ABCB5: variants seen among roughly 807,000 people sequenced by gnomAD.
ABCB5 encodes the protein ATP binding cassette subfamily B member 5, also known as ATP-binding cassette sub-family B member 5.
Under a neutral mutation model 144.2 loss-of-function variants are expected in ABCB5, and 155 were observed. The observed-to-expected ratio is 1.08, with a 90% CI of 0.94 to 1.23. The LOEUF (loss-of-function observed/expected upper bound fraction) is 1.23. ABCB5 is among the 50% of genes most tolerant of loss of function. The probability of loss-of-function intolerance (pLI) is 0.00; values close to 1 mark genes in which losing one functional copy is unlikely to be tolerated. For missense variants in ABCB5, 1,830 were observed against 1,520.8 expected (o/e 1.20, Z -3.38); for synonymous variants, 610 against 528.6 (o/e 1.15, Z -2.11).
At chr7:20,755,107 A>C (rs528527403) in intron 27 of ABCB5, among the ~76,000 whole-genome samples, 1 of 152,060 alleles carries the variant, frequency 6.6e-6, no homozygotes, top group South Asian at 2.1e-4. Context: ...CTGCCACCAC[A>C]CCCAGCTAAT....
chr7:20,745,277 C>T lies in ABCB5; in HGVS notation c.3268C>T (p.Arg1090Cys), dbSNP rs560219236. Residue 1090 changes from arginine (R) to cysteine (C), a missense_variant, in exon 26 of 28, where the codon CGT becomes TGT. Coordinates refer to ENST00000404938, the MANE Select transcript of ABCB5 (RefSeq NM_001163941.2). ...AAAAGAATTGAATGTACAGTGGCTC[C>T]GTTCCCAAATAGCAATCGTTCCTCA... Reference protein sequence around the residue: ...DAKELNVQWLRSQIAIVPQEP... With the variant: ...DAKELNVQWLCSQIAIVPQEP... The T allele has an allele frequency of 4.6e-5, 75 of 1,613,958 alleles. 1 individual carries two copies. The Admixed American group carries it at 8.0e-4, about 17-fold the overall frequency.
intron 15 of ABCB5, among the ~76,000 whole-genome samples, chr7:20,683,085 T>TTAATAAAAATATA (rs199815570): frequency 0.032 from 4,799 of 152,240 alleles, 274 homozygotes; most frequent in African/African-American, 0.11. Context: ...ATCTTTGATG[T>TTAATAAAAATATA]CAATATTATT....
chr7:20,658,817 A>T, intron 14 of ABCB5, 141 bp downstream of exon 14: 1 of 1,103,804 alleles, frequency 9.1e-7, no homozygotes. Flanking sequence ...TCCACTGAGA[A>T]CTTACGTGAT....
intron 18 of ABCB5, 44 bp downstream of exon 18, chr7:20,699,973 G>A (rs1786560372): frequency 1.3e-6 from 2 of 1,597,748 alleles, no homozygotes; most frequent in Admixed American, 1.7e-5. Context: ...ACTTTTTGTT[G>A]CCATTCTTTC....
intron 11 of ABCB5, among the ~76,000 whole-genome samples, chr7:20,649,541 G>A (rs550500199): frequency 2.6e-5 from 4 of 152,126 alleles, no homozygotes; most frequent in African/African-American, 7.2e-5. Flanking sequence ...AGCCCACCAA[G>A]GTTTCTAATG....
At chr7:20,710,031 C>T (rs111486917) in intron 20 of ABCB5, among the ~76,000 whole-genome samples, 1 of 146,026 alleles carries the variant, frequency 6.8e-6, no homozygotes, top group African/African-American at 2.6e-5. Flanking sequence ...TGCCACTGCA[C>T]TCCATCCTGG....
chr7:20,755,724 A>C lies in ABCB5; in HGVS notation c.*100A>C, dbSNP rs1270960933. 5 of 1,048,084 alleles carry C rather than the reference A, an allele frequency of 4.8e-6. No homozygotes were observed. The highest frequency in any genetic ancestry group is 3.1e-4 in the Middle Eastern group (1 of 3,248). 64.9% of individuals were successfully genotyped at this position (1,048,084 alleles called of 1,614,324 possible). ...TTGATCTCTTTTATTGCATATATCAATACCTAGAATCATGCTACTCAAGTA... is the reference window on the plus strand; with the variant it reads ...TTGATCTCTTTTATTGCATATATCACTACCTAGAATCATGCTACTCAAGTA... On this transcript the variant is annotated 3_prime_UTR_variant, in exon 28 of 28. Coordinates refer to ENST00000404938, the MANE Select transcript of ABCB5 (RefSeq NM_001163941.2).
At chr7:20,708,494 A>T (rs555069327) in intron 20 of ABCB5, among the ~76,000 whole-genome samples, 74 of 152,242 alleles carry the variant, frequency 4.9e-4, no homozygotes, top group African/African-American at 1.7e-3. Context: ...ACAAAGTGAG[A>T]TCTTGTCTGA....
intron 14 of ABCB5, chr7:20,658,954 C>T: frequency 8.0e-7 from 1 of 1,255,942 alleles, no homozygotes; most frequent in Non-Finnish European, 1.2e-6. Context: ...TTTGCACTTT[C>T]CACCTCCCTA....
chr7:20,696,954 T>C (rs17143272), intron 16 of ABCB5, among the ~76,000 whole-genome samples: 29,879 of 152,150 alleles, frequency 0.2, 3,408 homozygotes, highest in East Asian at 0.52. Flanking sequence ...CCTAATTTCC[T>C]GGCTCTGTAA....
At chr7:20,632,726 T>A (rs1029949288) in intron 5 of ABCB5, among the ~76,000 whole-genome samples, 2 of 151,902 alleles carry the variant, frequency 1.3e-5, no homozygotes, top group African/African-American at 4.8e-5. Flanking sequence ...ATGGATGAAA[T>A]TGGAAATCAT....
At chr7:20,748,354 A>G (rs1177334440) in intron 26 of ABCB5, among the ~76,000 whole-genome samples, 1 of 129,158 alleles carries the variant, frequency 7.7e-6, no homozygotes, top group African/African-American at 3.4e-5. Flanking sequence ...TCCTTCAGAT[A>G]GAATTAATTT....
intron 2 of ABCB5, among the ~76,000 whole-genome samples, chr7:20,625,877 G>C (rs987269520): frequency 6.6e-6 from 1 of 152,204 alleles, no homozygotes; most frequent in African/African-American, 2.4e-5. Flanking sequence ...ACTAGGAATA[G>C]CCAAAATGTG....
chr7:20,678,187 G>C (rs1785675847), intron 14 of ABCB5, among the ~76,000 whole-genome samples: 1 of 152,134 alleles, frequency 6.6e-6, no homozygotes, highest in African/African-American at 2.4e-5. Context: ...AATTATAATA[G>C]GATACATATT....
intron 14 of ABCB5, among the ~76,000 whole-genome samples, chr7:20,663,402 C>T (rs1785066826): frequency 6.6e-6 from 1 of 152,120 alleles, no homozygotes; most frequent in African/African-American, 2.4e-5. Context: ...CAATGGAATA[C>T]TACCAGTTTT....
At chr7:20,636,174 A>G (rs987226211) in intron 5 of ABCB5, among the ~76,000 whole-genome samples, 14 of 152,118 alleles carry the variant, frequency 9.2e-5, no homozygotes, top group Non-Finnish European at 1.9e-4. Flanking sequence ...TTTACATAAA[A>G]TTTATTTATA....
intron 16 of ABCB5, among the ~76,000 whole-genome samples, chr7:20,690,993 C>T (rs1786201930): frequency 6.6e-6 from 1 of 151,944 alleles, no homozygotes; most frequent in Admixed American, 6.6e-5. Context: ...AACTAAGAAA[C>T]TGAACAAAAT....
At chr7:20,730,953 A>C (rs558598806) in intron 23 of ABCB5, among the ~76,000 whole-genome samples, 1 of 152,250 alleles carries the variant, frequency 6.6e-6, no homozygotes, top group East Asian at 1.9e-4. Context: ...TATTCATACT[A>C]ATGTACGAGG....
intron 26 of ABCB5, among the ~76,000 whole-genome samples, chr7:20,750,237 A>G (rs1673315183): frequency 6.6e-6 from 1 of 152,178 alleles, no homozygotes; most frequent in African/African-American, 2.4e-5. Flanking sequence ...AAACAAGAAA[A>G]TTGATTTAAA....
Sources: gnomAD v4.1 joint callset for allele counts (sites outside exome capture counted in the v4.1 genomes callset) on GRCh38, gnomAD v4.1.1 for gene constraint, MANE v1.5 for transcripts, NCBI Gene and HGNC (gene_info 2026-07-23, HGNC 2026-07-21) for gene names.